CPNE3: variants seen among roughly 807,000 people sequenced by gnomAD.
CPNE3 encodes the protein copine-3.
In CPNE3, 68 loss-of-function variants were observed where a neutral mutation model predicts 63.9. The observed-to-expected ratio is 1.06, with a 90% confidence interval of 0.87 to 1.30. CPNE3 has a LOEUF of 1.30. Ranked by LOEUF, CPNE3 falls within the 50% of genes most tolerant of loss-of-function variation. CPNE3 has a pLI of 0.00. For synonymous variants in CPNE3, 219 were observed against 197.5 expected, an observed-to-expected ratio of 1.11 and a Z score of -0.91; for missense variants, 665 against 578.1, an observed-to-expected ratio of 1.15 and a Z score of -1.54.
At position 86,558,562 on chromosome 8, in the gene CPNE3, G is replaced by A. The variant is rs370576426; in HGVS notation, c.*152G>A. On this transcript the variant is annotated 3_prime_UTR_variant, in exon 17 of 17. Transcript: ENST00000517490. The stretch of plus-strand genomic sequence containing the variant: ...ATATCTGTTTAAAGCATTCTTTCTA[G>A]GTTATTTTGGGGGGACAGTGCCAAG... The A allele has an allele frequency of 1.9e-5, 12 of 622,250 alleles. No homozygotes were observed. The highest frequency in any genetic ancestry group is 1.4e-4 in the African/African-American group (8 of 55,604). 38.5% of individuals were successfully genotyped at this position (622,250 alleles called of 1,614,324 possible). A position where few individuals can be genotyped will look rare whatever the true frequency, so the allele number is the denominator to read the frequency against.
At chr8:86,526,986 T>C (rs1408144449) in intron 2 of CPNE3, among the ~76,000 whole-genome samples, 1 of 152,228 alleles carries the variant, frequency 6.6e-6, no homozygotes, top group Non-Finnish European at 1.5e-5. Flanking sequence ...AAGATGTTAG[T>C]TGTTTTTTGA....
chr8:86,516,690 C>T (rs1351413165), intron 2 of CPNE3, among the ~76,000 whole-genome samples: 2 of 152,156 alleles, frequency 1.3e-5, no homozygotes, highest in African/African-American at 4.8e-5. Context: ...ACACCCGGCC[C>T]TATCAATTCT....
intron 3 of CPNE3, 28 bp downstream of exon 3, chr8:86,528,705 T>G (rs762190031): frequency 6.3e-7 from 1 of 1,585,866 alleles, no homozygotes; most frequent in Non-Finnish European, 8.5e-7. Context: ...ACCTAAAAAG[T>G]AATCTGAATT....
chr8:86,527,402 A>G (rs1031738782), intron 2 of CPNE3, among the ~76,000 whole-genome samples: 4 of 152,262 alleles, frequency 2.6e-5, no homozygotes, highest in Admixed American at 2.6e-4. Flanking sequence ...TCCAGCCCCT[A>G]TCATATGCTC....
intron 6 of CPNE3, among the ~76,000 whole-genome samples, chr8:86,534,069 T>C (rs894457573): frequency 6.6e-6 from 1 of 151,920 alleles, no homozygotes; most frequent in African/African-American, 2.4e-5. Flanking sequence ...AAGGCTGTAG[T>C]GCATTATAAT....
In CPNE3 at chr8:86,546,662, TCAGTGTGAAA is replaced by T. The variant is rs1821058489; in HGVS notation, c.809_818del (p.Lys270ArgfsTer4). On this transcript the variant is annotated frameshift_variant, in exon 10 of 17. Transcript: ENST00000517490. LOFTEE classifies it high-confidence loss of function. ...AAAAGCTACAAGAATTCAGGTGTTA[TCAGTGTGAAA>T]CAGTGTGAGGTCCGTTGGCCTTGGC... The T allele has an allele frequency of 6.2e-7, 1 of 1,613,418 alleles. No homozygotes were observed. Among genetic ancestry groups the T allele is most frequent in the Admixed American group, 1.7e-5 (1 of 59,882 alleles).
chr8:86,544,362 T>C (rs573939829), intron 8 of CPNE3, among the ~76,000 whole-genome samples: 1 of 152,356 alleles, frequency 6.6e-6, no homozygotes, highest in East Asian at 1.9e-4. Flanking sequence ...TAATGGCTTT[T>C]AGCCATTGCA....
intron 2 of CPNE3, among the ~76,000 whole-genome samples, chr8:86,522,674 C>CCAGG (rs1188141931): frequency 2.6e-5 from 4 of 151,036 alleles, no homozygotes; most frequent in Non-Finnish European, 5.9e-5. Flanking sequence ...TCCAGCTGCC[C>CCAGG]CAGGGTTGCC....
rs1343899583 is a variant in CPNE3, at chr8:86,561,066, A to G, written c.*2656A>G. 2.6e-5 allele frequency: 4 copies of G among 152,256 alleles called. No homozygotes were observed. Among genetic ancestry groups the G allele is most frequent in the Non-Finnish European group, 1.5e-5 (1 of 68,046 alleles). The allele number at this position is 152,256 out of a possible 1,614,324, so 9.4% of individuals were successfully genotyped here. On this transcript the variant is annotated 3_prime_UTR_variant, in exon 17 of 17. Coordinates refer to ENST00000517490, the MANE Select transcript of CPNE3 (RefSeq NM_003909.5). ...AGAAAAATTTGAAGTCTGATCAGAGATTTACAACTGTTCATTATAGTGGTG... is the reference window on the plus strand; with the variant it reads ...AGAAAAATTTGAAGTCTGATCAGAGGTTTACAACTGTTCATTATAGTGGTG...
intron 12 of CPNE3, among the ~76,000 whole-genome samples, chr8:86,550,305 G>C (rs944303310): frequency 6.6e-6 from 1 of 152,152 alleles, no homozygotes; most frequent in Non-Finnish European, 1.5e-5. Context: ...CTGGAGTACA[G>C]TGGTGCAGTC....
intron 5 of CPNE3, 37 bp downstream of exon 5, chr8:86,531,266 T>G: frequency 1.1e-6 from 1 of 891,656 alleles, no homozygotes; most frequent in East Asian, 2.4e-5. Flanking sequence ...CTCAAAAGAT[T>G]TAGCATAACA....
chr8:86,537,628 A>G lies in CPNE3; in HGVS notation c.525A>G (p.Leu175=), dbSNP rs1329289595. 1 of 1,603,920 alleles carries G rather than the reference A, an allele frequency of 6.2e-7. No individual in the cohort carries two copies. Residue 175 remains leucine, a synonymous_variant, in exon 7 of 17, where the codon CTA becomes CTG. Transcript: ENST00000517490. ...AGCAGACATCTGATGGAAACTGGCT[A>G]ATGGTTCATCGGACAGAGGTGAATA... ...FHKQTSDGNW[L]MVHRTEVVKN...
chr8:86,522,259 T>TAC (rs1214729599), intron 2 of CPNE3, among the ~76,000 whole-genome samples: 2 of 152,198 alleles, frequency 1.3e-5, no homozygotes, highest in Admixed American at 1.3e-4. Flanking sequence ...TTTCTATGTA[T>TAC]ACATAGTTAG....
At chr8:86,550,467 T>C (rs1821149353) in intron 12 of CPNE3, among the ~76,000 whole-genome samples, 1 of 152,224 alleles carries the variant, frequency 6.6e-6, no homozygotes, top group South Asian at 2.1e-4. Context: ...AGAAAAATTA[T>C]GTTCATTATG....
rs79140998 is a variant in CPNE3 at position 86,517,269 on chromosome 8, A to C, written c.-11+1770A>C. 9.9e-3 allele frequency among the ~76,000 whole-genome samples: 1,509 copies of C among 152,352 alleles called. 30 individuals are homozygous for C. The highest frequency in any genetic ancestry group is 0.035 in the African/African-American group (1,439 of 41,580). ...ATATGAATTAGGTGGATAGCATATT[A>C]GTAAGTTTCCTCATAAAAAAAAAGA... is the stretch of plus-strand genomic sequence containing the variant. On this transcript the variant is annotated intron_variant, in intron 2 of 16. Transcript: ENST00000517490.
At chr8:86,527,958 T>TTTTTTTTTTTG (rs1820575592) in intron 2 of CPNE3, among the ~76,000 whole-genome samples, 1 of 136,784 alleles carries the variant, frequency 7.3e-6, no homozygotes, top group Non-Finnish European at 1.6e-5. Context: ...TTTTTTTTTT[T>TTTTTTTTTTTG]TTTTTTTTTT....
chr8:86,551,457 T>C, intron 14 of CPNE3: 1 of 468,864 alleles, frequency 2.1e-6, no homozygotes, highest in East Asian at 3.3e-5. Context: ...ATCAGTATTA[T>C]GATGATGAAG....
chr8:86,539,605 C>T (rs1820881796), intron 7 of CPNE3, among the ~76,000 whole-genome samples: 1 of 150,250 alleles, frequency 6.7e-6, no homozygotes, highest in East Asian at 1.9e-4. Context: ...ATATTTGAAT[C>T]TTCTGTGCCC....
intron 2 of CPNE3, among the ~76,000 whole-genome samples, chr8:86,527,274 A>T (rs1200477075): frequency 6.6e-6 from 1 of 152,094 alleles, no homozygotes; most frequent in East Asian, 1.9e-4. Context: ...GGCTAAGTGG[A>T]CATCCAGATG....
Sources: allele counts gnomAD v4.1 joint callset (sites outside exome capture counted in the v4.1 genomes callset), GRCh38; gene constraint gnomAD v4.1.1; transcripts MANE v1.5; gene names NCBI Gene and HGNC (gene_info 2026-07-23, HGNC 2026-07-21).